The following MFN1 variants were observed in gnomAD, a reference collection of about 807,000 sequenced individuals.
MFN1 encodes the protein mitofusin 1.
MFN1 carries 65 observed loss-of-function variants against 92.4 expected under a neutral mutation model. That is an observed-to-expected ratio of 0.70 (90% confidence interval 0.58 to 0.86). The LOEUF (loss-of-function observed/expected upper bound fraction) is 0.86, where lower values mean the gene tolerates loss of function less well. MFN1 is among the 40% of genes least tolerant of loss of function. The pLI is 0.00. For missense variants in MFN1, 781 were observed against 868.0 expected, an observed-to-expected ratio of 0.90 and a Z score of 1.26; for synonymous variants, 297 against 300.9, an observed-to-expected ratio of 0.99 and a Z score of 0.13.
intron 14 of MFN1, among the ~76,000 whole-genome samples, chr3:179,382,850 A>G (rs988776372): frequency 3.9e-5 from 6 of 152,096 alleles, no homozygotes; most frequent in Non-Finnish European, 7.4e-5. Context: ...TCACGTGTCT[A>G]TTGGCTGCAT....
At chr3:179,383,655 C>A (rs1340258088) in intron 14 of MFN1, among the ~76,000 whole-genome samples, 1 of 152,018 alleles carries the variant, frequency 6.6e-6, no homozygotes, top group Non-Finnish European at 1.5e-5. Flanking sequence ...CTATAAATTA[C>A]CTTGGGCAGT....
At chr3:179,389,808 G>GT (rs546675283) in intron 16 of MFN1, among the ~76,000 whole-genome samples, 196 bp from the exon 17 acceptor site, 38 of 152,166 alleles carry the variant, frequency 2.5e-4, no homozygotes, top group African/African-American at 8.9e-4. Context: ...ATATAGCAGA[G>GT]GTAATATCGT....
intron 4 of MFN1, 137 bp downstream of exon 4, chr3:179,359,139 A>G (rs1401825730): frequency 5.3e-6 from 5 of 940,630 alleles, no homozygotes; most frequent in Non-Finnish European, 5.7e-6. Flanking sequence ...TTTTTTTTTT[A>G]GACGGAATTT....
Position 179,352,731 on chromosome 3 carries a change from T to C in MFN1, c.248+696T>C, listed in dbSNP as rs1165095757. On this transcript the variant is annotated intron_variant, in intron 3 of 17. Coordinates refer to ENST00000471841, the MANE Select transcript of MFN1 (RefSeq NM_033540.3). The stretch of plus-strand genomic sequence containing the variant: ...GCATTCCAGATTATAATCTTTATTT[T>C]TGATTCCCAAGTAAACTCAGCATTT... Among the ~76,000 whole-genome samples the C allele has an allele frequency of 3.4e-5, 5 of 148,720 alleles. No individual in the cohort carries two copies. The East Asian group carries it at 9.8e-4, about 29-fold the overall frequency.
intron 16 of MFN1, 152 bp downstream of exon 16, chr3:179,386,781 C>G: frequency 3.0e-6 from 2 of 675,668 alleles, no homozygotes; most frequent in Non-Finnish European, 5.0e-6. Context: ...TAGAACAATA[C>G]TAAACCTCAC....
At position 179,394,043 on chromosome 3, in the gene MFN1, T is replaced by TC. The variant is rs1354504565; in HGVS notation, c.*1988dup. 6.6e-6 allele frequency: 1 copy of TC among 152,172 alleles called. No individual in the cohort carries two copies. Among genetic ancestry groups the TC allele is most frequent in the Non-Finnish European group, 1.5e-5 (1 of 68,090 alleles). The allele number at this position is 152,172 out of a possible 1,614,324, so 9.4% of individuals were successfully genotyped here. A position where few individuals can be genotyped will look rare whatever the true frequency, so the allele number is the denominator to read the frequency against. The stretch of plus-strand genomic sequence containing the variant: ...GGCTAGTTTTTGTAAAGACGAGGTT[T>TC]CCCCATGTTGTGCAGGCTGGTCTTG... On this transcript the variant is annotated 3_prime_UTR_variant, in exon 18 of 18. Transcript: ENST00000471841.
In MFN1 at chr3:179,390,138, G is replaced by GGT; in HGVS notation, c.2147+1_2147+2dup. ...ATACAAAACAATTCAAAGCTCTTAA[G>GGT]GTATTTAAACCTTTCTTCTCAATAA... On this transcript the variant is annotated frameshift_variant and splice_region_variant. Coordinates refer to ENST00000471841, the MANE Select transcript of MFN1 (RefSeq NM_033540.3). LOFTEE classifies it high-confidence loss of function. 6.4e-7 allele frequency: 1 copy of GGT among 1,568,152 alleles called. No homozygotes were observed. Among genetic ancestry groups the GGT allele is most frequent in the South Asian group, 1.2e-5 (1 of 80,720 alleles).
rs959656118 is a variant in MFN1, at chr3:179,348,901, C to T, written c.50C>T (p.Ala17Val). The T allele has an allele frequency of 3.1e-6, 5 of 1,605,906 alleles. No individual in the cohort carries two copies. Among genetic ancestry groups the T allele is most frequent in the South Asian group, 1.1e-5 (1 of 90,426 alleles). Residue 17 changes from alanine (A) to valine (V), a missense_variant, in exon 2 of 18, where the codon GCG (alanine) becomes GTG (valine). Coordinates refer to ENST00000471841, the MANE Select transcript of MFN1 (RefSeq NM_033540.3). ...AAGCACTTTGTGCTGGCTAAGAAGG[C>T]GATTACTGCAATCTTTGACCAGTTA... ...PLKHFVLAKK[A>V]ITAIFDQLLE...
chr3:179,354,952 A>G (rs776603886), intron 3 of MFN1, among the ~76,000 whole-genome samples: 8 of 151,922 alleles, frequency 5.3e-5, no homozygotes, highest in African/African-American at 9.7e-5. Context: ...GTGCACCACC[A>G]CACCCAGCTA....
chr3:179,377,094 C>A lies in MFN1; in HGVS notation c.1150C>A (p.Arg384=). ...CCAAATTGATAGACTGGACTTTATT[C>A]GAAACCAGATGAACCTTTTAACACT... ...EDQIDRLDFI[R]NQMNLLTLDV... is the part of the protein sequence containing the mutation. The change falls in exon 11 of 18, where the codon CGA becomes AGA. Residue 384 remains arginine, a synonymous_variant. Transcript: ENST00000471841. 6.2e-7 allele frequency: 1 copy of A among 1,613,524 alleles called. No homozygotes were observed. Among genetic ancestry groups the A allele is most frequent in the Non-Finnish European group, 8.5e-7 (1 of 1,179,776 alleles).
At chr3:179,361,840 GCT>G (rs1712593638) in intron 4 of MFN1, among the ~76,000 whole-genome samples, 1 of 152,098 alleles carries the variant, frequency 6.6e-6, no homozygotes, top group African/African-American at 2.4e-5. Flanking sequence ...CCCCGGCCTA[GCT>G]CTCACTTTTA....
chr3:179,387,132 G>A (rs930485003), intron 16 of MFN1, among the ~76,000 whole-genome samples: 9 of 151,566 alleles, frequency 5.9e-5, no homozygotes, highest in South Asian at 4.2e-4. Flanking sequence ...TATGTTGCCC[G>A]GGTTGGTCTT....
chr3:179,394,826 GT>G lies in MFN1; in HGVS notation c.*2770del, dbSNP rs1577020302. 6.6e-6 allele frequency: 1 copy of G among 152,024 alleles called. No individual in the cohort carries two copies. The highest frequency in any genetic ancestry group is 2.0e-4 in the East Asian group (1 of 5,050). The allele number at this position is 152,024 out of a possible 1,614,324, so 9.4% of individuals were successfully genotyped here. A position where few individuals can be genotyped will look rare whatever the true frequency, so the allele number is the denominator to read the frequency against. Reference sequence around the variant, plus strand: ...CTTCAAAGTTATTGCACATACACTTGTTTACTTTGTATGTTTGCAGGATTAA... The same window carrying G: ...CTTCAAAGTTATTGCACATACACTTGTTACTTTGTATGTTTGCAGGATTAA... On this transcript the variant is annotated 3_prime_UTR_variant, in exon 18 of 18. Coordinates refer to ENST00000471841, the MANE Select transcript of MFN1 (RefSeq NM_033540.3).
intron 3 of MFN1, among the ~76,000 whole-genome samples, chr3:179,358,576 AT>A (rs1235170562): frequency 6.6e-6 from 1 of 152,166 alleles, no homozygotes; most frequent in Non-Finnish European, 1.5e-5. Context: ...TTGACCTGTG[AT>A]TTCGAATTGC....
chr3:179,378,922 A>T (rs1382177283), intron 14 of MFN1, 108 bp downstream of exon 14: 2 of 829,416 alleles, frequency 2.4e-6, no homozygotes, highest in Non-Finnish European at 3.8e-6. Flanking sequence ...AAAAGCTAGT[A>T]TCTATCTCTT....
intron 14 of MFN1, among the ~76,000 whole-genome samples, chr3:179,379,248 A>G (rs540423216): frequency 2.8e-4 from 43 of 152,360 alleles, no homozygotes; most frequent in African/African-American, 1.0e-3. Context: ...CATTTTCCCC[A>G]TGATGCCCCA....
intron 10 of MFN1, among the ~76,000 whole-genome samples, chr3:179,375,584 T>G (rs1713208896): frequency 1.3e-5 from 2 of 152,238 alleles, no homozygotes; most frequent in Admixed American, 6.5e-5. Flanking sequence ...AATTGTGATT[T>G]TTAAAATGTT....
chr3:179,349,923 C>G (rs1019468363), intron 2 of MFN1, among the ~76,000 whole-genome samples: 18 of 151,972 alleles, frequency 1.2e-4, no homozygotes, highest in African/African-American at 4.1e-4. Flanking sequence ...AGTCCAAGAT[C>G]GGCAGATTAC....
chr3:179,364,638 GTTAT>G (rs1192422305), intron 6 of MFN1, among the ~76,000 whole-genome samples: 7 of 152,142 alleles, frequency 4.6e-5, no homozygotes, highest in African/African-American at 1.4e-4. Flanking sequence ...CTAGCTTCTG[GTTAT>G]TTGTCAGTCT....
Sources: allele counts gnomAD v4.1 joint callset (sites outside exome capture counted in the v4.1 genomes callset), GRCh38; gene constraint gnomAD v4.1.1; transcripts MANE v1.5; gene names NCBI Gene and HGNC (gene_info 2026-07-23, HGNC 2026-07-21).